NCKAP5: variants seen among roughly 807,000 people sequenced by gnomAD.
The protein encoded by NCKAP5 is NCK associated protein 5, also known as nck-associated protein 5.
NCKAP5 carries 92 observed loss-of-function variants against 167.0 expected under a neutral mutation model. The observed-to-expected ratio is 0.55, with a 90% CI of 0.47 to 0.66. The LOEUF is 0.66. Ranked by LOEUF, NCKAP5 falls within the 30% of genes least tolerant of loss-of-function variation. The pLI is 0.00. For synonymous variants in NCKAP5, 891 were observed against 877.4 expected, an observed-to-expected ratio of 1.02 and a Z score of -0.27; for missense variants, 2,378 against 2,315.0, an observed-to-expected ratio of 1.03 and a Z score of -0.56.
chr2:133,501,088 C>T (rs985886419), intron 3 of NCKAP5, among the ~76,000 whole-genome samples: 1 of 152,194 alleles, frequency 6.6e-6, no homozygotes, highest in East Asian at 1.9e-4. Context: ...TGGGCTCCGT[C>T]CTTTGATTAC....
chr2:133,463,879 T>C (rs189667867), intron 3 of NCKAP5, among the ~76,000 whole-genome samples: 1 of 152,376 alleles, frequency 6.6e-6, no homozygotes, highest in African/African-American at 2.4e-5. Context: ...TTAAAGAATT[T>C]AGTTTTCCTT....
chr2:132,933,085 T>C (rs1361361141), intron 8 of NCKAP5, among the ~76,000 whole-genome samples: 5 of 151,942 alleles, frequency 3.3e-5, no homozygotes, highest in South Asian at 2.1e-4. Context: ...CCACCACGCG[T>C]GGCTAATATT....
At chr2:132,942,369 CTGA>C (rs1227435562) in intron 8 of NCKAP5, among the ~76,000 whole-genome samples, 1 of 151,776 alleles carries the variant, frequency 6.6e-6, no homozygotes, top group African/African-American at 2.4e-5. Flanking sequence ...TTCTGTGGGG[CTGA>C]GGTTGGGCCT....
At chr2:133,010,986 C>A (rs1471800625) in intron 6 of NCKAP5, among the ~76,000 whole-genome samples, 1 of 151,976 alleles carries the variant, frequency 6.6e-6, no homozygotes, top group East Asian at 1.9e-4. Context: ...AAGCACAATT[C>A]TCAGATAATA....
chr2:133,528,274 A>G (rs1229844185), intron 2 of NCKAP5, among the ~76,000 whole-genome samples: 1 of 152,068 alleles, frequency 6.6e-6, no homozygotes, highest in Non-Finnish European at 1.5e-5. Context: ...TTCTGCTTAG[A>G]ATTTCCACCT....
At chr2:132,728,149 A>G (rs1042536888) in intron 18 of NCKAP5, among the ~76,000 whole-genome samples, 1 of 152,116 alleles carries the variant, frequency 6.6e-6, no homozygotes, top group African/African-American at 2.4e-5. Context: ...ACGAGTGGTG[A>G]AATGGCAAAT....
chr2:133,518,032 T>C (rs1360992925), intron 2 of NCKAP5, among the ~76,000 whole-genome samples: 1 of 152,162 alleles, frequency 6.6e-6, no homozygotes, highest in Admixed American at 6.5e-5. Flanking sequence ...AACTGAAACA[T>C]GAACATTGTT....
intron 3 of NCKAP5, among the ~76,000 whole-genome samples, chr2:133,481,973 C>A (rs988543041): frequency 2.6e-5 from 4 of 152,132 alleles, no homozygotes; most frequent in Non-Finnish European, 5.9e-5. Flanking sequence ...CTTCTCTTCA[C>A]CCACCCTCTC....
At chr2:133,634,379 CT>C in the NCKAP5 span, among the ~76,000 whole-genome samples, 22 of 152,294 alleles carry the variant, frequency 1.4e-4, no homozygotes, top group African/African-American at 5.1e-4. Flanking sequence ...GAATGCGTGT[CT>C]CCCAGATGTG....
intron 3 of NCKAP5, among the ~76,000 whole-genome samples, chr2:133,378,694 TC>T (rs1199108316): frequency 6.6e-6 from 1 of 152,146 alleles, no homozygotes; most frequent in African/African-American, 2.4e-5. Context: ...AAGGAAACCT[TC>T]CTCCGTTCTG....
At chr2:133,352,052 A>G (rs770847657) in intron 3 of NCKAP5, among the ~76,000 whole-genome samples, 2 of 152,158 alleles carry the variant, frequency 1.3e-5, no homozygotes, top group Non-Finnish European at 2.9e-5. Flanking sequence ...GAGGGGTGAC[A>G]GGACCTGCAA....
chr2:132,767,742 T>C (rs746638586), intron 16 of NCKAP5, among the ~76,000 whole-genome samples: 3 of 152,206 alleles, frequency 2.0e-5, no homozygotes, highest in Non-Finnish European at 4.4e-5. Context: ...TGGTTTATGG[T>C]GTTAAGTTAC....
At chr2:132,860,673 A>G (rs16842652) in intron 10 of NCKAP5, 62 bp from the exon 11 acceptor site, 29,810 of 1,519,772 alleles carry the variant, frequency 0.02, 1,904 homozygotes, top group Admixed American at 0.16. Context: ...TGCATATTAT[A>G]ACCATATTTT....
At chr2:133,571,974 TC>T (rs796477137), upstream of NCKAP5, among the ~76,000 whole-genome samples, 3 of 127,994 alleles carry the variant, frequency 2.3e-5, no homozygotes, top group African/African-American at 9.6e-5. Context: ...AAACTCCATC[TC>T]AAAAAAAAAA....
At chr2:133,071,700 C>A (rs1214757090) in intron 6 of NCKAP5, among the ~76,000 whole-genome samples, 1 of 152,174 alleles carries the variant, frequency 6.6e-6, no homozygotes, top group East Asian at 1.9e-4. Flanking sequence ...ATTTAAGCCT[C>A]TTTCCAACAA....
intron 2 of NCKAP5, among the ~76,000 whole-genome samples, chr2:133,557,791 C>A (rs1188921986): frequency 6.6e-6 from 1 of 152,220 alleles, no homozygotes; most frequent in African/African-American, 2.4e-5. Context: ...CACCTCGGCA[C>A]TTTGGGAAAA....
At chr2:133,458,952 T>C (rs958052951) in intron 3 of NCKAP5, among the ~76,000 whole-genome samples, 1 of 152,196 alleles carries the variant, frequency 6.6e-6, no homozygotes, top group African/African-American at 2.4e-5. Context: ...GAAGCAAATC[T>C]TGCCTAAGAA....
chr2:133,135,119 A>T (rs2082742768), intron 5 of NCKAP5, among the ~76,000 whole-genome samples: 2 of 152,238 alleles, frequency 1.3e-5, no homozygotes, highest in African/African-American at 2.4e-5. Flanking sequence ...CACACAGATA[A>T]ATACGGCAGT....
chr2:133,666,917 G>C, the NCKAP5 span, among the ~76,000 whole-genome samples: 2 of 152,072 alleles, frequency 1.3e-5, no homozygotes, highest in East Asian at 3.9e-4. Flanking sequence ...GGAGGCAACT[G>C]TCAATCTTGT....
Sources: gnomAD v4.1 joint callset for allele counts (sites outside exome capture counted in the v4.1 genomes callset) on GRCh38, gnomAD v4.1.1 for gene constraint, MANE v1.5 for transcripts, NCBI Gene and HGNC (gene_info 2026-07-23, HGNC 2026-07-21) for gene names.